The following ZBTB37 variants were observed in gnomAD, a reference collection of about 807,000 sequenced individuals.
The protein encoded by ZBTB37 is zinc finger and BTB domain-containing protein 37.
Under a neutral mutation model 37.7 loss-of-function variants are expected in ZBTB37, and 15 were observed. The ratio of observed to expected loss-of-function variants is 0.40; its 90% confidence interval spans 0.27 to 0.61. The LOEUF (loss-of-function observed/expected upper bound fraction) is 0.61. ZBTB37 is among the 20% of genes least tolerant of loss of function. The pLI is 0.44. For synonymous variants in ZBTB37, 231 were observed against 220.6 expected (o/e 1.05, Z -0.42); for missense variants, 514 against 641.9 (o/e 0.80, Z 2.15).
chr1:173,881,219 C>T (rs1212015794), intron 4 of ZBTB37, among the ~76,000 whole-genome samples: 1 of 151,978 alleles, frequency 6.6e-6, no homozygotes, highest in East Asian at 1.9e-4. Flanking sequence ...GTTTTCCGTC[C>T]TTGTGATAGT....
At chr1:173,877,114 T>G (rs1198737476) in intron 4 of ZBTB37, among the ~76,000 whole-genome samples, 3 of 152,184 alleles carry the variant, frequency 2.0e-5, no homozygotes, top group Non-Finnish European at 4.4e-5. Flanking sequence ...TATTGTATTA[T>G]AATCGTATGG....
intron 4 of ZBTB37, among the ~76,000 whole-genome samples, chr1:173,874,338 CTTT>C (rs371801992): frequency 1.4e-5 from 2 of 141,232 alleles, no homozygotes; most frequent in Non-Finnish European, 1.5e-5. Flanking sequence ...TAGAAAACAT[CTTT>C]TTTTTTTTTT....
At chr1:173,873,424 T>C in intron 3 of ZBTB37, 43 bp from the exon 4 acceptor site, 1 of 1,529,556 alleles carries the variant, frequency 6.5e-7, no homozygotes. Flanking sequence ...GGTTCTTTGA[T>C]GCTGCTTTTG....
Position 173,882,276 on chromosome 1 carries a change from C to G in ZBTB37, c.1024-3360C>G, listed in dbSNP as rs1343755107. Among the ~76,000 whole-genome samples the G allele has an allele frequency of 3.4e-5, 4 of 118,154 alleles. No individual in the cohort carries two copies. In the South Asian group the frequency reaches 1.2e-3, roughly 35 times the overall value. 77.5% of individuals were successfully genotyped at this position (118,154 alleles called of 152,430 possible). ...TTTTTTTTTGAGACAGAGTCTGGCT[C>G]TGTCGTCCAGGCTGGAGTGCAGTGG... On this transcript the variant is annotated intron_variant, in intron 4 of 4. Transcript: ENST00000427304.
intron 3 of ZBTB37, 122 bp from the exon 4 acceptor site, chr1:173,873,345 T>G: frequency 1.1e-6 from 1 of 947,704 alleles, no homozygotes; most frequent in Non-Finnish European, 1.5e-6. Context: ...ATTCCTCAGT[T>G]ATTTGTTGCT....
chr1:173,875,034 T>C (rs1390279927), intron 4 of ZBTB37, among the ~76,000 whole-genome samples: 8 of 151,720 alleles, frequency 5.3e-5, no homozygotes, highest in Non-Finnish European at 4.4e-5. Flanking sequence ...GTAGACCTGA[T>C]AGTAATAAAA....
chr1:173,874,091 A>G (rs1431606790), intron 4 of ZBTB37, among the ~76,000 whole-genome samples: 4 of 151,930 alleles, frequency 2.6e-5, no homozygotes, highest in Non-Finnish European at 5.9e-5. Context: ...ACCCGTCTCT[A>G]CTAAAAATAC....
At chr1:173,876,664 A>T (rs969768193) in intron 4 of ZBTB37, among the ~76,000 whole-genome samples, 1 of 152,208 alleles carries the variant, frequency 6.6e-6, no homozygotes, top group Non-Finnish European at 1.5e-5. Flanking sequence ...AATAGCCGTA[A>T]GACATTGTTA....
chr1:173,887,740 A>T (rs1056284696), downstream of ZBTB37: 1 of 152,182 alleles, frequency 6.6e-6, no homozygotes, highest in African/African-American at 2.4e-5. Context: ...TGGTTTAAGA[A>T]ATTGTTTCAG....
exon 4 of ZBTB37, chr1:173,899,662 A>G (rs781110227): frequency 3.3e-5 from 5 of 152,058 alleles, no homozygotes; most frequent in East Asian, 1.9e-4. Flanking sequence ...CTGTTGTGCA[A>G]CCTGGGCTTT....
exon 4 of ZBTB37, chr1:173,892,583 G>A (rs1309914216): frequency 6.6e-6 from 1 of 152,210 alleles, no homozygotes; most frequent in Non-Finnish European, 1.5e-5. Context: ...GTTTTGCTGT[G>A]TAGGCAGGCT....
At chr1:173,882,237 C>CTT (rs1160364347) in intron 4 of ZBTB37, among the ~76,000 whole-genome samples, 1,460 of 87,960 alleles carry the variant, frequency 0.017, 39 homozygotes, top group African/African-American at 0.026. Context: ...ATGGTAGTTT[C>CTT]TTTTTTTTTT....
intron 4 of ZBTB37, among the ~76,000 whole-genome samples, chr1:173,876,612 C>T (rs2102731585): frequency 1.3e-5 from 2 of 152,290 alleles, no homozygotes; most frequent in South Asian, 4.1e-4. Flanking sequence ...GCCACCGTAC[C>T]CAGCCTAAAC....
chr1:173,894,924 A>C (rs1273550014), exon 4 of ZBTB37: 1 of 152,106 alleles, frequency 6.6e-6, no homozygotes. Flanking sequence ...AATGAGACAA[A>C]TATCTGGAGC....
At chr1:173,891,383 C>T (rs1656833520), downstream of ZBTB37, 2 of 152,152 alleles carry the variant, frequency 1.3e-5, no homozygotes, top group African/African-American at 4.8e-5. Context: ...TTACTCTGTT[C>T]CATGTAGAGC....
At chr1:173,886,240 C>T in exon 5 of ZBTB37, 1 of 1,437,098 alleles carries the variant, frequency 7.0e-7, no homozygotes, top group South Asian at 1.5e-5. Flanking sequence ...CCAGAAGATG[C>T]TCCCAAGATG....
At chr1:173,868,840 C>T (rs1486703761) in intron 1 of ZBTB37, 85 bp from the exon 2 acceptor site, 1 of 153,102 alleles carries the variant, frequency 6.5e-6, no homozygotes, top group Non-Finnish European at 1.5e-5. Flanking sequence ...CAGTTCCCCT[C>T]TCCCCAGGCT....
chr1:173,868,597 C>T (rs1039256500), intron 1 of ZBTB37, among the ~76,000 whole-genome samples, 192 bp downstream of exon 1: 6 of 152,218 alleles, frequency 3.9e-5, no homozygotes, highest in African/African-American at 1.4e-4. Context: ...CGGACCCGCC[C>T]CCTCGCGGGG....
In ZBTB37 at chr1:173,897,774, A is replaced by G. The variant is rs182287423; in HGVS notation, c.*11650A>G. The G allele has an allele frequency of 7.2e-5, 11 of 152,274 alleles. No individual in the cohort carries two copies. In the East Asian group the frequency reaches 2.1e-3, roughly 29 times the overall value. The allele number at this position is 152,274 out of a possible 1,614,324, so 9.4% of individuals were successfully genotyped here. ...TCTCTATACTCACTTCAGCTCCTCT[A>G]CCTCTGAGCACTTGGCTGAAGAAAG... On this transcript the variant is annotated 3_prime_UTR_variant, in exon 4 of 4. Transcript: ENST00000367701.
Sources: gnomAD v4.1 joint callset for allele counts (sites outside exome capture counted in the v4.1 genomes callset) on GRCh38, gnomAD v4.1.1 for gene constraint, MANE v1.5 for transcripts, NCBI Gene and HGNC (gene_info 2026-07-23, HGNC 2026-07-21) for gene names.